The following CPA6 variants were observed in gnomAD, a reference collection of about 807,000 sequenced individuals.
CPA6 encodes carboxypeptidase A6.
A neutral mutation model predicts 63.3 loss-of-function variants in CPA6; 58 were observed. The ratio of observed to expected loss-of-function variants is 0.92; its 90% CI spans 0.74 to 1.14. The LOEUF (loss-of-function observed/expected upper bound fraction) is 1.14. Ranked by LOEUF, CPA6 falls within the 50% of genes most tolerant of loss-of-function variation. CPA6 has a pLI of 0.00. For synonymous variants in CPA6, 185 were observed against 179.0 expected, an observed-to-expected ratio of 1.03 and a Z score of -0.27; for missense variants, 565 against 526.6, an observed-to-expected ratio of 1.07 and a Z score of -0.71.
intron 6 of CPA6, among the ~76,000 whole-genome samples, chr8:67,495,765 G>GCAGCC (rs764606166): frequency 2.6e-5 from 4 of 151,986 alleles, no homozygotes; most frequent in African/African-American, 7.3e-5. Flanking sequence ...ACAGCTCATT[G>GCAGCC]CAGCCTTGAC....
chr8:67,580,233 C>T (rs1184046678), intron 2 of CPA6, among the ~76,000 whole-genome samples: 1 of 152,220 alleles, frequency 6.6e-6, no homozygotes, highest in South Asian at 2.1e-4. Flanking sequence ...CAGTTTAGAG[C>T]CTACTGGCAG....
At position 67,637,568 on chromosome 8, in the gene CPA6, C is replaced by T. The variant is rs115529538; in HGVS notation, c.117-13317G>A. ...AACAAACTATTTATTCAATATTTAT[C>T]CACGTAGCAAATTATTCCATGCAAG... is the stretch of plus-strand genomic sequence containing the variant. On this transcript the variant is annotated intron_variant, in intron 1 of 10. Coordinates refer to ENST00000297770, the MANE Select transcript of CPA6 (RefSeq NM_020361.5). 9.8e-3 allele frequency among the ~76,000 whole-genome samples: 1,477 copies of T among 151,416 alleles called. 90 individuals carry two copies. Among genetic ancestry groups the T allele is most frequent in the African/African-American group, 0.034 (1,401 of 40,816 alleles).
At chr8:67,715,534 G>A (rs1817359921) in intron 1 of CPA6, among the ~76,000 whole-genome samples, 1 of 152,166 alleles carries the variant, frequency 6.6e-6, no homozygotes, top group South Asian at 2.1e-4. Context: ...ATTGCACCTA[G>A]TGATAAACCA....
chr8:67,587,253 T>A (rs1251549376), intron 2 of CPA6, among the ~76,000 whole-genome samples: 1 of 152,224 alleles, frequency 6.6e-6, no homozygotes. Context: ...TTCGACTACC[T>A]TCTATTAGGC....
At chr8:67,653,659 T>C (rs1395663715) in intron 1 of CPA6, among the ~76,000 whole-genome samples, 4 of 152,134 alleles carry the variant, frequency 2.6e-5, no homozygotes, top group Non-Finnish European at 4.4e-5. Context: ...CAATGGGGTT[T>C]TCTAGATATA....
chr8:67,438,190 T>G (rs2128953177), intron 8 of CPA6, among the ~76,000 whole-genome samples: 1 of 152,332 alleles, frequency 6.6e-6, no homozygotes, highest in African/African-American at 2.4e-5. Flanking sequence ...AGTGCTGGGA[T>G]TACAGGCATG....
chr8:67,433,446 A>G (rs1810073080), intron 9 of CPA6, among the ~76,000 whole-genome samples: 1 of 152,150 alleles, frequency 6.6e-6, no homozygotes, highest in South Asian at 2.1e-4. Context: ...TTTCATTTTT[A>G]AGTAATCTTA....
rs67842734 is a variant in CPA6, at chr8:67,713,099, GTATATATATATATATATA to G, written c.116+32897_116+32914del. ...TGTGTGTGTATGTGTGTGTGTGTGT[GTATATATATATATATATA>G]TATATATATATATATATATATATTA... On this transcript the variant is annotated intron_variant, in intron 1 of 10. Coordinates refer to ENST00000297770, the MANE Select transcript of CPA6 (RefSeq NM_020361.5). 1.6e-3 allele frequency among the ~76,000 whole-genome samples: 89 copies of G among 55,030 alleles called. 4 individuals are homozygous for G. Among genetic ancestry groups the G allele is most frequent in the African/African-American group, 5.2e-3 (70 of 13,496 alleles). 36.1% of individuals were successfully genotyped at this position (55,030 alleles called of 152,430 possible).
rs569164775 is a variant in CPA6 at position 67,543,936 on chromosome 8, A to G, written c.193-25889T>C. Among the ~76,000 whole-genome samples, 13 of 152,054 alleles carry G rather than the reference A, an allele frequency of 8.5e-5. No individual in the cohort carries two copies. The South Asian group carries it at 2.3e-3, about 27-fold the overall frequency. Reference sequence around the variant, plus strand: ...GTAGCTGAGACTACAGGTGCACACCACCATGCCTGGCTGATTAAAAAAATG... The same window carrying G: ...GTAGCTGAGACTACAGGTGCACACCGCCATGCCTGGCTGATTAAAAAAATG... On this transcript the variant is annotated intron_variant, in intron 2 of 10. Transcript: ENST00000297770.
chr8:67,606,947 G>A (rs540068697), intron 2 of CPA6, among the ~76,000 whole-genome samples: 1 of 152,032 alleles, frequency 6.6e-6, no homozygotes, highest in Admixed American at 6.6e-5. Context: ...TTTATATTTT[G>A]GTCAGGTCTG....
At chr8:67,595,976 C>T (rs879748395) in intron 2 of CPA6, among the ~76,000 whole-genome samples, 13 of 152,222 alleles carry the variant, frequency 8.5e-5, no homozygotes, top group Non-Finnish European at 1.5e-4. Flanking sequence ...TCTTCTGCGT[C>T]GCTCACGCTG....
chr8:67,552,655 C>T (rs1464111286), intron 2 of CPA6, among the ~76,000 whole-genome samples: 4 of 151,440 alleles, frequency 2.6e-5, no homozygotes, highest in South Asian at 4.2e-4. Flanking sequence ...TGCCTGTAGT[C>T]CCAGCTACTC....
rs563028821 is a variant in CPA6, at chr8:67,538,826, A to AT, written c.193-20780dup. Among the ~76,000 whole-genome samples, 13 of 151,834 alleles carry AT rather than the reference A, an allele frequency of 8.6e-5. No homozygotes were observed. In the East Asian group the frequency reaches 1.9e-3, roughly 23 times the overall value. ...AGGTGCCTGCCACTATGCCCGGCTA[A>AT]TTTTTTGTATTTTTAGTAGAGATAT... On this transcript the variant is annotated intron_variant, in intron 2 of 10. Transcript: ENST00000297770.
At chr8:67,674,028 A>G (rs1237998876) in intron 1 of CPA6, among the ~76,000 whole-genome samples, 1 of 152,184 alleles carries the variant, frequency 6.6e-6, no homozygotes, top group Non-Finnish European at 1.5e-5. Context: ...GTCATTTTAT[A>G]TGTACCGTGT....
In CPA6 at chr8:67,607,231, CT is replaced by C. The variant is rs58503416; in HGVS notation, c.192+16944del. On this transcript the variant is annotated intron_variant, in intron 2 of 10. Transcript: ENST00000297770. ...TCTTCTTCTTCTTCTTCTTCTTCTT[CT>C]TCTTCTTCTTCTTCTTCTTCTCCTC... Among the ~76,000 whole-genome samples, 256 of 117,268 alleles carry C rather than the reference CT, an allele frequency of 2.2e-3. 18 individuals carry two copies. Among genetic ancestry groups the C allele is most frequent in the Middle Eastern group, 4.5e-3 (1 of 224 alleles). 76.9% of individuals were successfully genotyped at this position (117,268 alleles called of 152,430 possible). A position where few individuals can be genotyped will look rare whatever the true frequency, so the allele number is the denominator to read the frequency against.
intron 8 of CPA6, among the ~76,000 whole-genome samples, chr8:67,474,755 C>T (rs1272079804): frequency 3.3e-5 from 5 of 152,038 alleles, no homozygotes; most frequent in Non-Finnish European, 7.4e-5. Flanking sequence ...TTGGAAGGAT[C>T]GTTTAAGCCC....
chr8:67,651,805 A>G (rs1050462463), intron 1 of CPA6, among the ~76,000 whole-genome samples: 10 of 152,054 alleles, frequency 6.6e-5, no homozygotes, highest in Admixed American at 5.9e-4. Flanking sequence ...GGTTAGTTAC[A>G]TATGTATACA....
chr8:67,484,760 G>A lies in CPA6; in HGVS notation c.666C>T (p.Ala222=), dbSNP rs1406840023. ...ATAGATGATTCAACATTTTTCTCATGGCTGGGTCACTCTTATATGTTAGAA... is the reference window on the plus strand; with the variant it reads ...ATAGATGATTCAACATTTTTCTCATAGCTGGGTCACTCTTATATGTTAGAA... ...EALLTYKSDP[A]MRKMLNHLYF... Residue 222 remains alanine (A), a synonymous_variant, in exon 7 of 11, where the codon GCC becomes GCT. Transcript: ENST00000297770. 6.2e-7 allele frequency: 1 copy of A among 1,608,448 alleles called. No individual in the cohort carries two copies. Among genetic ancestry groups the A allele is most frequent in the Admixed American group, 1.7e-5 (1 of 59,922 alleles).
intron 2 of CPA6, among the ~76,000 whole-genome samples, chr8:67,584,495 C>G (rs190674145): frequency 7.1e-4 from 108 of 152,184 alleles, no homozygotes; most frequent in African/African-American, 2.5e-3. Context: ...GCTGACTTGA[C>G]GGAGAATGTT....
Sources: allele counts gnomAD v4.1 joint callset (sites outside exome capture counted in the v4.1 genomes callset), GRCh38; gene constraint gnomAD v4.1.1; transcripts MANE v1.5; gene names NCBI Gene and HGNC (gene_info 2026-07-23, HGNC 2026-07-21).